Variants in COL22A1 observed in about 807,000 individuals in gnomAD.
COL22A1 encodes the protein collagen alpha-1(XXII) chain.
In COL22A1, 221 loss-of-function variants were observed where a neutral mutation model predicts 248.9. The observed-to-expected ratio is 0.89, with a 90% confidence interval of 0.80 to 0.99. The LOEUF is 0.99. Among genes scored for constraint, COL22A1 ranks in the 50% least tolerant of loss-of-function variants. The probability of loss-of-function intolerance (pLI) is 0.00; values close to 1 mark genes in which losing one functional copy is unlikely to be tolerated. For synonymous variants in COL22A1, 891 were observed against 793.4 expected, an observed-to-expected ratio of 1.12 and a Z score of -2.07; for missense variants, 2,240 against 2,179.0, an observed-to-expected ratio of 1.03 and a Z score of -0.56.
chr8:138,617,760 G>A (rs1262580971), intron 53 of COL22A1, among the ~76,000 whole-genome samples: 1 of 152,146 alleles, frequency 6.6e-6, no homozygotes, highest in Non-Finnish European at 1.5e-5. Flanking sequence ...ATGGGACCAT[G>A]GCTCCCATTT....
intron 20 of COL22A1, 23 bp from the exon 21 acceptor site, chr8:138,755,233 T>A (rs775331882): frequency 6.2e-7 from 1 of 1,611,940 alleles, no homozygotes. Flanking sequence ...GCCAAACAGA[T>A]GTTTAGTCAT....
At chr8:138,646,602 T>C in intron 47 of COL22A1, 27 bp downstream of exon 47, 2 of 1,550,600 alleles carry the variant, frequency 1.3e-6, no homozygotes, top group East Asian at 2.3e-5. Context: ...AATAGATCCA[T>C]GCAGATGGTT....
Position 138,589,200 on chromosome 8 carries a change from T to C in COL22A1, c.*53A>G. 1 of 1,570,628 alleles carries C rather than the reference T, an allele frequency of 6.4e-7. No homozygotes were observed. On this transcript the variant is annotated 3_prime_UTR_variant, in exon 65 of 65. Coordinates refer to ENST00000303045, the MANE Select transcript of COL22A1 (RefSeq NM_152888.3). ...CAAGACCTCTGGCTTCCCACTGGGC[T>C]CTGAGTTCAAGTTTCAGAAATCCAC...
At chr8:138,696,629 G>A (rs1333813054) in intron 32 of COL22A1, among the ~76,000 whole-genome samples, 1 of 152,204 alleles carries the variant, frequency 6.6e-6, no homozygotes, top group African/African-American at 2.4e-5. Flanking sequence ...AGACCACATG[G>A]CCTGCGGCTG....
chr8:138,835,988 C>A lies in COL22A1; in HGVS notation c.734-2838G>T, dbSNP rs548676902. Among the ~76,000 whole-genome samples the A allele has an allele frequency of 5.3e-5, 8 of 152,288 alleles. No individual in the cohort carries two copies. In the South Asian group the frequency reaches 6.2e-4, roughly 12 times the overall value. On this transcript the variant is annotated intron_variant, in intron 4 of 64. Transcript: ENST00000303045. ...AAATGGGACATTAAGAATAACCAGT[C>A]AGCCAAGCACAATGGCTCACGCCTG... is the stretch of plus-strand genomic sequence containing the variant.
intron 29 of COL22A1, 108 bp downstream of exon 29, chr8:138,716,119 C>T: frequency 1.2e-6 from 1 of 839,902 alleles, no homozygotes; most frequent in Non-Finnish European, 1.9e-6. Flanking sequence ...ACACTCTTCA[C>T]CCAGTCAAAA....
chr8:138,883,233 C>T lies in COL22A1; in HGVS notation c.-61G>A, dbSNP rs1824380036. 1.4e-6 allele frequency: 2 copies of T among 1,464,640 alleles called. No homozygotes were observed. The highest frequency in any genetic ancestry group is 3.9e-5 in the Admixed American group (2 of 50,640). The allele number at this position is 1,464,640 out of a possible 1,614,324, so 90.7% of individuals were successfully genotyped here. ...CAGGAAGAGACGCTGTTAGGGTCTA[C>T]AGCAGCATGGCCTGTGTGGAGAAAG... On this transcript the variant is annotated 5_prime_UTR_variant, in exon 2 of 65. Transcript: ENST00000303045.
At position 138,760,278 on chromosome 8, in the gene COL22A1, CG is replaced by C; in HGVS notation, c.1866del (p.Gly623AlafsTer33). 6.3e-7 allele frequency: 1 copy of C among 1,598,528 alleles called. No homozygotes were observed. The highest frequency in any genetic ancestry group is 8.5e-7 in the Non-Finnish European group (1 of 1,172,720). ...KPGDTGQQGR[P>X]GPSGVAGPQG... is the part of the protein sequence containing the mutation. ...TGGGGTCCTGCCACACCAGAAGGGC[CG>C]GGCCTGCCCTGGAGGAAAGAAAGAA... is the stretch of plus-strand genomic sequence containing the variant. On this transcript the variant is annotated frameshift_variant, in exon 18 of 65. Coordinates refer to ENST00000303045, the MANE Select transcript of COL22A1 (RefSeq NM_152888.3). LOFTEE classifies it high-confidence loss of function.
intron 12 of COL22A1, among the ~76,000 whole-genome samples, 198 bp from the exon 13 acceptor site, chr8:138,781,178 T>C (rs1203150169): frequency 1.3e-5 from 2 of 152,154 alleles, no homozygotes; most frequent in African/African-American, 4.8e-5. Flanking sequence ...TCACATCAGA[T>C]CTACATCAGG....
chr8:138,804,581 G>A (rs1285204780), intron 10 of COL22A1, among the ~76,000 whole-genome samples: 1 of 152,214 alleles, frequency 6.6e-6, no homozygotes, highest in Non-Finnish European at 1.5e-5. Flanking sequence ...GAGGAGCTCG[G>A]TGATGCAGAA....
intron 10 of COL22A1, among the ~76,000 whole-genome samples, chr8:138,804,792 G>GTA (rs34547818): frequency 0.35 from 48,654 of 140,792 alleles, 8,668 homozygotes; most frequent in African/African-American, 0.58. Context: ...GGTGCGTGTG[G>GTA]TGTGTGTGTG....
chr8:138,809,607 G>A (rs1421294757), intron 9 of COL22A1, among the ~76,000 whole-genome samples: 1 of 144,492 alleles, frequency 6.9e-6, no homozygotes, highest in Non-Finnish European at 1.5e-5. Flanking sequence ...TGCAACCTCC[G>A]CCTCCCGGGT....
At chr8:138,897,401 T>C (rs1202460003) in intron 1 of COL22A1, among the ~76,000 whole-genome samples, 1 of 151,406 alleles carries the variant, frequency 6.6e-6, no homozygotes, top group Non-Finnish European at 1.5e-5. Flanking sequence ...ATACAAACAT[T>C]AGTTGGGCGT....
chr8:138,723,836 C>T (rs1186711025), intron 25 of COL22A1, among the ~76,000 whole-genome samples: 4 of 152,178 alleles, frequency 2.6e-5, no homozygotes, highest in African/African-American at 7.2e-5. Flanking sequence ...GCCCCCTGGG[C>T]GCCTTGATCC....
At chr8:138,712,631 T>C (rs75345055) in intron 30 of COL22A1, among the ~76,000 whole-genome samples, 1 of 127,606 alleles carries the variant, frequency 7.8e-6, no homozygotes, top group Admixed American at 7.8e-5. Flanking sequence ...ACATGTTCTA[T>C]CAGCAGAGGG....
chr8:138,618,288 T>C (rs1348537127), intron 53 of COL22A1, among the ~76,000 whole-genome samples: 2 of 152,168 alleles, frequency 1.3e-5, no homozygotes, highest in African/African-American at 4.8e-5. Flanking sequence ...GAAAACCCAC[T>C]CCATTCTACA....
chr8:138,910,033 A>G (rs1386961481), intron 1 of COL22A1, among the ~76,000 whole-genome samples: 1 of 152,238 alleles, frequency 6.6e-6, no homozygotes, highest in African/African-American at 2.4e-5. Context: ...ATCTTGGTCC[A>G]TCCGCTTGCA....
chr8:138,813,162 T>C (rs1818383863), intron 7 of COL22A1, 143 bp from the exon 8 acceptor site: 5 of 652,170 alleles, frequency 7.7e-6, no homozygotes, highest in Non-Finnish European at 1.4e-5. Flanking sequence ...GATACCCCTA[T>C]CCTGGGCTCC....
Position 138,648,314 on chromosome 8 carries a change from T to C in COL22A1, c.3447+1351A>G, listed in dbSNP as rs544150876. On this transcript the variant is annotated intron_variant, in intron 46 of 64. Coordinates refer to ENST00000303045, the MANE Select transcript of COL22A1 (RefSeq NM_152888.3). ...GGGGTCTATGCTCAAATATCCTGCA[T>C]AGCTGAGCTGGTGGAAAGGGAACAA... 3.3e-5 allele frequency among the ~76,000 whole-genome samples: 5 copies of C among 152,332 alleles called. No homozygotes were observed. The East Asian group carries it at 9.7e-4, about 29-fold the overall frequency.
Sources: allele counts gnomAD v4.1 joint callset (sites outside exome capture counted in the v4.1 genomes callset), GRCh38; gene constraint gnomAD v4.1.1; transcripts MANE v1.5; gene names NCBI Gene and HGNC (gene_info 2026-07-23, HGNC 2026-07-21).